Variants in PRR20G observed in about 807,000 individuals in gnomAD.
PRR20G encodes proline rich 20G.
chr3:127,287,831 G>A (rs1167515471), intron 1 of PRR20G, among the ~76,000 whole-genome samples, 48 bp downstream of exon 1: 1 of 152,118 alleles, frequency 6.6e-6, no homozygotes, highest in Non-Finnish European at 1.5e-5. Flanking sequence ...GTCCCCACCT[G>A]TACCCACGCA....
intron 2 of PRR20G, among the ~76,000 whole-genome samples, chr3:127,286,696 T>G (rs553543536): frequency 1.3e-5 from 2 of 152,102 alleles, no homozygotes; most frequent in Non-Finnish European, 2.9e-5. Flanking sequence ...TCCCAGATGA[T>G]GTGGAAGGGA....
intron 2 of PRR20G, among the ~76,000 whole-genome samples, chr3:127,286,300 A>AT (rs891138653): frequency 9.2e-5 from 14 of 152,230 alleles, no homozygotes; most frequent in African/African-American, 3.4e-4. Flanking sequence ...AAATGCCTTC[A>AT]AAATTTCGAG....
Position 127,287,349 on chromosome 3 carries a change from T to C in PRR20G, c.17A>G (p.His6Arg), listed in dbSNP as rs1048005717. The change falls in exon 2 of 3, where the codon CAC (histidine) becomes CGC (arginine). Residue 6 changes from histidine to arginine, a missense_variant. His to Arg is a conservative substitution (Grantham distance 29). Coordinates refer to ENST00000465482, the MANE Select transcript of PRR20G (RefSeq NM_001362810.2). MEEPR[H>R]SKRPRFLAPN... The stretch of plus-strand genomic sequence containing the variant: ...GGCCAGGAAGCGAGGTCGTTTCGAG[T>C]GCCTTGGTTCCTCCATGAGGAATCT... 6.6e-6 allele frequency among the ~76,000 whole-genome samples: 1 copy of C among 152,124 alleles called. No homozygotes were observed. Among genetic ancestry groups the C allele is most frequent in the Non-Finnish European group, 1.5e-5 (1 of 68,010 alleles).
At chr3:127,285,611 G>A (rs998094099) in intron 2 of PRR20G, among the ~76,000 whole-genome samples, 1 of 152,228 alleles carries the variant, frequency 6.6e-6, no homozygotes, top group South Asian at 2.1e-4. Flanking sequence ...CTAAGAAAAA[G>A]TCCCAAGAAA....
In PRR20G at chr3:127,287,334, C is replaced by A. The variant is rs1238573046; in HGVS notation, c.32G>T (p.Arg11Leu). Among the ~76,000 whole-genome samples the A allele has an allele frequency of 2.6e-5, 4 of 152,142 alleles. No individual in the cohort carries two copies. The highest frequency in any genetic ancestry group is 5.9e-5 in the Non-Finnish European group (4 of 68,016). ...GGTACCTTGATTTGGGGCCAGGAAG[C>A]GAGGTCGTTTCGAGTGCCTTGGTTC... is the stretch of plus-strand genomic sequence containing the variant. MEEPRHSKRP[R>L]FLAPNQASGG... Residue 11 changes from arginine (R) to leucine (L), a missense_variant, in exon 2 of 3, where the codon CGC becomes CTC. Transcript: ENST00000465482.
rs2107701748 is a variant in PRR20G, at chr3:127,284,497, CAGG to C, written c.193_195del (p.Pro65del). ...CCTCCCCCACGCTGGCCTCTTCCTG[CAGG>C]AGGAGCTGGCTGTGCGCGAGCTGGG... On this transcript the variant is annotated inframe_deletion, in exon 3 of 3. Transcript: ENST00000465482. 1 of 155,338 alleles carries C rather than the reference CAGG, an allele frequency of 6.4e-6. No homozygotes were observed. The highest frequency in any genetic ancestry group is 1.9e-4 in the East Asian group (1 of 5,242). 9.6% of individuals were successfully genotyped at this position (155,338 alleles called of 1,614,324 possible).
Position 127,283,859 on chromosome 3 carries a change from G to T in PRR20G, c.*201C>A, listed in dbSNP as rs185005265. On this transcript the variant is annotated 3_prime_UTR_variant, in exon 3 of 3. Coordinates refer to ENST00000465482, the MANE Select transcript of PRR20G (RefSeq NM_001362810.2). ...GTATTTTTGACAGAACATACAAAGC[G>T]GAGGCAAGAGGGGAATTGGAAGCAG... Among the ~76,000 whole-genome samples the T allele has an allele frequency of 6.6e-6, 1 of 152,090 alleles. No homozygotes were observed. The highest frequency in any genetic ancestry group is 1.5e-5 in the Non-Finnish European group (1 of 68,006).
rs116725564 is a variant in PRR20G, at chr3:127,285,282, T to A, written c.53-642A>T. ...GATCAGAAAGTCTTATTGGAGAAGT[T>A]AACCTAAGCCAGGGATATCAAGGAT... On this transcript the variant is annotated intron_variant, in intron 2 of 2. Coordinates refer to ENST00000465482, the MANE Select transcript of PRR20G (RefSeq NM_001362810.2). 5.3e-3 allele frequency among the ~76,000 whole-genome samples: 806 copies of A among 152,280 alleles called. 7 individuals carry two copies. The highest frequency in any genetic ancestry group is 0.018 in the African/African-American group (768 of 41,554).
At chr3:127,285,733 A>G (rs2080384146) in intron 2 of PRR20G, among the ~76,000 whole-genome samples, 1 of 152,184 alleles carries the variant, frequency 6.6e-6, no homozygotes, top group African/African-American at 2.4e-5. Flanking sequence ...TCTGGGTCCC[A>G]TTTTTAAACT....
At position 127,287,899 on chromosome 3, in the gene PRR20G, T is replaced by C. The variant is rs2080394874; in HGVS notation, c.-28A>G. On this transcript the variant is annotated 5_prime_UTR_variant, in exon 1 of 3. Transcript: ENST00000465482. ...CACACCTGATCTCCCTGCAGCTGGC[T>C]CTCTTCTATGGGGAGAGGCCTGAGG... Among the ~76,000 whole-genome samples the C allele has an allele frequency of 6.6e-6, 1 of 151,982 alleles. No individual in the cohort carries two copies. The highest frequency in any genetic ancestry group is 2.4e-5 in the African/African-American group (1 of 41,384).
rs145328179 is a variant in PRR20G at position 127,284,003 on chromosome 3, TA to T, written c.*56del. ...CAGAAATGGGGCTAGAGTTTGGGGA[TA>T]GGGGGAAAGACCAGGTGGAAGAAAA... On this transcript the variant is annotated 3_prime_UTR_variant, in exon 3 of 3. Transcript: ENST00000465482. 0.21 allele frequency: 31,593 copies of T among 152,118 alleles called. 3,544 individuals carry two copies. The highest frequency in any genetic ancestry group is 0.28 in the Middle Eastern group (84 of 298). 9.4% of individuals were successfully genotyped at this position (152,118 alleles called of 1,614,324 possible).
In PRR20G at chr3:127,288,029, C is replaced by G. The variant is rs1359021980; in HGVS notation, c.-158G>C. 2.0e-5 allele frequency among the ~76,000 whole-genome samples: 3 copies of G among 152,142 alleles called. No homozygotes were observed. The highest frequency in any genetic ancestry group is 3.9e-4 in the East Asian group (2 of 5,164). ...AGCACCCAGCAGTCCTAGTTCGGAG[C>G]CCGGCAGAAAGCTGACTGCTCGCGG... On this transcript the variant is annotated 5_prime_UTR_variant, in exon 1 of 3. Coordinates refer to ENST00000465482, the MANE Select transcript of PRR20G (RefSeq NM_001362810.2).
chr3:127,284,345 T>TCTAGC lies in PRR20G; in HGVS notation c.347_348insGCTAG (p.Glu118AspfsTer188). On this transcript the variant is annotated frameshift_variant, in exon 3 of 3. Coordinates refer to ENST00000465482, the MANE Select transcript of PRR20G (RefSeq NM_001362810.2). LOFTEE classifies it low-confidence loss of function (END_TRUNC). Reference sequence around the variant, plus strand: ...AGGCTGGGGTCTGCCTGGCTTCCAGTTGCCCCTGGTAGCCTAGCTCTCCAT... The same window carrying TCTAGC: ...AGGCTGGGGTCTGCCTGGCTTCCAGTCTAGCTGCCCCTGGTAGCCTAGCTCTCCAT... 1 of 152,758 alleles carries TCTAGC rather than the reference T, an allele frequency of 6.5e-6. No individual in the cohort carries two copies. Among genetic ancestry groups the TCTAGC allele is most frequent in the African/African-American group, 2.4e-5 (1 of 41,544 alleles). 9.5% of individuals were successfully genotyped at this position (152,758 alleles called of 1,614,324 possible). A position where few individuals can be genotyped will look rare whatever the true frequency, so the allele number is the denominator to read the frequency against.
intron 2 of PRR20G, among the ~76,000 whole-genome samples, chr3:127,285,913 T>C (rs1225887312): frequency 6.6e-6 from 1 of 152,148 alleles, no homozygotes; most frequent in Non-Finnish European, 1.5e-5. Flanking sequence ...ATTATGCCCA[T>C]GAATCAATTA....
At chr3:127,287,682 G>A (rs2080393944) in intron 1 of PRR20G, among the ~76,000 whole-genome samples, 197 bp downstream of exon 1, 1 of 152,176 alleles carries the variant, frequency 6.6e-6, no homozygotes, top group Admixed American at 6.5e-5. Context: ...AGCTGGTACC[G>A]GGGAGACTTA....
At chr3:127,284,887 T>A (rs1414860715) in intron 2 of PRR20G, among the ~76,000 whole-genome samples, 1 of 152,216 alleles carries the variant, frequency 6.6e-6, no homozygotes, top group African/African-American at 2.4e-5. Flanking sequence ...ATGATTGCCA[T>A]TTTACTAATA....
chr3:127,285,935 T>C (rs2107702170), intron 2 of PRR20G, among the ~76,000 whole-genome samples: 1 of 152,230 alleles, frequency 6.6e-6, no homozygotes, highest in East Asian at 1.9e-4. Flanking sequence ...AGGGTACTTT[T>C]GAAAAGGAAT....
rs75020064 is a variant in PRR20G, at chr3:127,285,037, G to A, written c.53-397C>T. Among the ~76,000 whole-genome samples, 316 of 152,252 alleles carry A rather than the reference G, an allele frequency of 2.1e-3. 4 individuals carry two copies. The East Asian group carries it at 0.055, about 26-fold the overall frequency. ...AATGATGCTAATGAGTGACCAGCTG[G>A]GAGGTGAAAGGTATCATAAGGGAGG... On this transcript the variant is annotated intron_variant, in intron 2 of 2. Transcript: ENST00000465482.
In PRR20G at chr3:127,284,427, A is replaced by T. The variant is rs2107701703; in HGVS notation, c.266T>A (p.Leu89His). Residue 89 changes from leucine to histidine, a missense_variant, in exon 3 of 3, where the codon CTC becomes CAC. By Grantham distance (99) the Leu-to-His change is moderately conservative (BLOSUM62 -3). Coordinates refer to ENST00000465482, the MANE Select transcript of PRR20G (RefSeq NM_001362810.2). Reference protein sequence around the residue: ...GRGRGSGAGLLRALGERVGPG... With the variant: ...GRGRGSGAGLHRALGERVGPG... ...CCCCACTCTCTCGCCCAGGGCCCTGAGAAGCCCAGCCCCACTGCCGCGGCC... is the reference window on the plus strand; with the variant it reads ...CCCCACTCTCTCGCCCAGGGCCCTGTGAAGCCCAGCCCCACTGCCGCGGCC... The T allele has an allele frequency of 6.5e-6, 1 of 153,282 alleles. No individual in the cohort carries two copies. Among genetic ancestry groups the T allele is most frequent in the African/African-American group, 2.4e-5 (1 of 41,592 alleles). 9.5% of individuals were successfully genotyped at this position (153,282 alleles called of 1,614,324 possible).
Sources: gnomAD v4.1 joint callset for allele counts (sites outside exome capture counted in the v4.1 genomes callset) on GRCh38, gnomAD v4.1.1 for gene constraint, MANE v1.5 for transcripts, NCBI Gene and HGNC (gene_info 2026-07-23, HGNC 2026-07-21) for gene names.